The following GLI3 variants were observed in gnomAD, a reference collection of about 807,000 sequenced individuals.
GLI3 encodes GLI family zinc finger 3.
In GLI3, 20 loss-of-function variants were observed where a neutral mutation model predicts 100.8. That is an observed-to-expected ratio of 0.20 (90% CI 0.14 to 0.29). The LOEUF is 0.29. Among genes scored for constraint, GLI3 ranks in the 10% least tolerant of loss-of-function variants. The pLI, the probability that GLI3 is intolerant of heterozygous loss-of-function variation, is 1.00. For synonymous variants in GLI3, 938 were observed against 860.5 expected, an observed-to-expected ratio of 1.09 and a Z score of -1.58; for missense variants, 2,040 against 2,128.5, an observed-to-expected ratio of 0.96 and a Z score of 0.82.
intron 1 of GLI3, among the ~76,000 whole-genome samples, chr7:42,234,795 A>T (rs1219333551): frequency 1.3e-5 from 2 of 152,196 alleles, no homozygotes; most frequent in East Asian, 3.9e-4. Flanking sequence ...AGAATTGCAT[A>T]CCCTGAAAGG....
chr7:42,261,996 CTTTCTTTT>C (rs1194249842), intron 1 of GLI3, among the ~76,000 whole-genome samples: 2 of 127,956 alleles, frequency 1.6e-5, no homozygotes, highest in Admixed American at 8.8e-5. Flanking sequence ...TTCTTTCTTT[CTTTCTTTT>C]CTTTCTTTCC....
At chr7:41,970,516 T>C (rs1383663555) in intron 13 of GLI3, among the ~76,000 whole-genome samples, 5 of 152,128 alleles carry the variant, frequency 3.3e-5, no homozygotes, top group African/African-American at 4.8e-5. Flanking sequence ...AACTGTGGGT[T>C]TTGCCATTAA....
Position 41,962,612 on chromosome 7 carries a change from T to C in GLI3, c.*1718A>G, listed in dbSNP as rs1296130980. 1.3e-5 allele frequency: 2 copies of C among 152,098 alleles called. No homozygotes were observed. Among genetic ancestry groups the C allele is most frequent in the African/African-American group, 4.8e-5 (2 of 41,398 alleles). The allele number at this position is 152,098 out of a possible 1,614,324, so 9.4% of individuals were successfully genotyped here. On this transcript the variant is annotated 3_prime_UTR_variant, in exon 15 of 15. Coordinates refer to ENST00000395925, the MANE Select transcript of GLI3 (RefSeq NM_000168.6). ...GCAAACCTAATAGTCTTAGCCAAAG[T>C]CCCCAGTGGCAAATCAACCTCCATG...
At chr7:42,139,687 T>A (rs186839053) in intron 3 of GLI3, among the ~76,000 whole-genome samples, 5 of 152,078 alleles carry the variant, frequency 3.3e-5, no homozygotes, top group East Asian at 1.9e-4. Flanking sequence ...CTCAAAAAAA[T>A]ATATATATGA....
intron 4 of GLI3, among the ~76,000 whole-genome samples, chr7:42,051,367 G>A (rs117688393): frequency 1.0e-3 from 157 of 152,216 alleles, no homozygotes; most frequent in Middle Eastern, 0.01. Context: ...GGAGTCTTAG[G>A]AAGTTGACAA....
At chr7:42,143,702 T>C (rs980442963) in intron 3 of GLI3, among the ~76,000 whole-genome samples, 4 of 152,234 alleles carry the variant, frequency 2.6e-5, no homozygotes, top group Admixed American at 1.3e-4. Context: ...GTTTTGCTAA[T>C]TAGCAACCAA....
chr7:42,084,827 A>T (rs1163823590), intron 3 of GLI3, among the ~76,000 whole-genome samples: 2 of 151,218 alleles, frequency 1.3e-5, no homozygotes, highest in African/African-American at 4.9e-5. Context: ...ACAAATTTTT[A>T]AATCAATGAC....
intron 2 of GLI3, among the ~76,000 whole-genome samples, chr7:42,182,035 C>G (rs1191154905): frequency 6.6e-6 from 1 of 152,124 alleles, no homozygotes; most frequent in Non-Finnish European, 1.5e-5. Context: ...AACTCTTTCT[C>G]TCCTAGGTTC....
At chr7:42,119,980 C>T (rs1372497181) in intron 3 of GLI3, among the ~76,000 whole-genome samples, 2 of 152,186 alleles carry the variant, frequency 1.3e-5, no homozygotes, top group East Asian at 3.8e-4. Flanking sequence ...GCACACACGC[C>T]CTGGACCCTC....
rs1349989119 is a variant in GLI3, at chr7:41,961,101, A to G, written c.*3229T>C. 3 of 152,648 alleles carry G rather than the reference A, an allele frequency of 2.0e-5. No homozygotes were observed. The South Asian group carries it at 6.2e-4, about 32-fold the overall frequency. The allele number at this position is 152,648 out of a possible 1,614,324, so 9.5% of individuals were successfully genotyped here. A position where few individuals can be genotyped will look rare whatever the true frequency, so the allele number is the denominator to read the frequency against. ...AGGTGGGCGTGATCACGGGGAATGC[A>G]GGCTTGTCCGAGGAACGCCTGGGCC... is the stretch of plus-strand genomic sequence containing the variant. On this transcript the variant is annotated 3_prime_UTR_variant, in exon 15 of 15. Transcript: ENST00000395925.
chr7:42,171,907 C>T (rs1443280661), intron 2 of GLI3, among the ~76,000 whole-genome samples: 3 of 152,048 alleles, frequency 2.0e-5, no homozygotes, highest in Non-Finnish European at 2.9e-5. Context: ...GGCAGAGTTT[C>T]CCAACAAAAT....
intron 12 of GLI3, 78 bp downstream of exon 12, chr7:41,977,480 C>G: frequency 6.9e-7 from 1 of 1,442,560 alleles, no homozygotes; most frequent in Non-Finnish European, 9.7e-7. Context: ...ACAGAACACA[C>G]TGCGCCTTCC....
intron 2 of GLI3, among the ~76,000 whole-genome samples, chr7:42,155,328 A>G (rs1786975572): frequency 1.3e-5 from 2 of 152,070 alleles, no homozygotes; most frequent in South Asian, 2.1e-4. Flanking sequence ...AATCCCAGCT[A>G]CTTAGGAGTC....
At chr7:42,113,744 C>G in intron 3 of GLI3, 1 of 576,990 alleles carries the variant, frequency 1.7e-6, no homozygotes, top group Non-Finnish European at 3.1e-6. Context: ...TGTTAGCACA[C>G]AGAACACTTC....
chr7:42,048,656 G>C lies in GLI3; in HGVS notation c.514C>G (p.Pro172Ala), dbSNP rs1784295152. ...CGGTGTGGGGAGATCCTAATGAAGG[G>C]CAGGTCCGGATACGTAGGGCTACTA... ...LSSSPTYPDL[P>A]FIRISPHRNP... Residue 172 changes from proline (P) to alanine (A), a missense_variant, in exon 5 of 15, where the codon CCC becomes GCC. Physicochemically the swap from Pro to Ala is conservative, Grantham distance 27. Transcript: ENST00000395925. 7 of 1,610,360 alleles carry C rather than the reference G, an allele frequency of 4.3e-6. No individual in the cohort carries two copies. Among genetic ancestry groups the C allele is most frequent in the Non-Finnish European group, 5.9e-6 (7 of 1,179,342 alleles).
intron 10 of GLI3, among the ~76,000 whole-genome samples, chr7:42,012,791 A>G (rs1788655551): frequency 6.6e-6 from 1 of 152,236 alleles, no homozygotes; most frequent in Non-Finnish European, 1.5e-5. Context: ...GGAGGAATAC[A>G]GTGAGGGCTG....
upstream of GLI3, among the ~76,000 whole-genome samples, chr7:42,237,569 C>T (rs977124276): frequency 6.6e-6 from 1 of 151,808 alleles, no homozygotes; most frequent in African/African-American, 2.4e-5. Context: ...CTCTCCTCCT[C>T]TTCCTCCTCC....
chr7:42,212,409 C>T (rs541690872), intron 2 of GLI3, among the ~76,000 whole-genome samples: 153 of 152,306 alleles, frequency 1.0e-3, no homozygotes, highest in African/African-American at 3.6e-3. Flanking sequence ...AATATCTTCA[C>T]ACCCACATAT....
At chr7:42,217,856 C>T (rs971811960) in intron 2 of GLI3, among the ~76,000 whole-genome samples, 1 of 152,182 alleles carries the variant, frequency 6.6e-6, no homozygotes, top group Non-Finnish European at 1.5e-5. Flanking sequence ...GGATTCATAA[C>T]GTTTAACTCA....
Sources: gnomAD v4.1 joint callset for allele counts (sites outside exome capture counted in the v4.1 genomes callset) on GRCh38, gnomAD v4.1.1 for gene constraint, MANE v1.5 for transcripts, NCBI Gene and HGNC (gene_info 2026-07-23, HGNC 2026-07-21) for gene names.